SPATA13: variants seen among roughly 807,000 people sequenced by gnomAD.
The protein encoded by SPATA13 is spermatogenesis-associated protein 13.
In SPATA13, 50 loss-of-function variants were observed where a neutral mutation model predicts 104.0. The ratio of observed to expected loss-of-function variants is 0.48; its 90% CI spans 0.38 to 0.61. The LOEUF is 0.61. Among genes scored for constraint, SPATA13 ranks in the 20% least tolerant of loss-of-function variants. The pLI is 0.00. For missense variants in SPATA13, 1,524 were observed against 1,690.6 expected (o/e 0.90, Z 1.73); for synonymous variants, 606 against 667.5 (o/e 0.91, Z 1.42).
At chr13:24,120,623 T>G (rs767803081) in intron 3 of SPATA13, among the ~76,000 whole-genome samples, 1 of 152,318 alleles carries the variant, frequency 6.6e-6, no homozygotes, top group East Asian at 1.9e-4. Context: ...GACAGTAGTA[T>G]TATCCAGTTC....
chr13:24,158,856 G>A (rs974967264), upstream of SPATA13, among the ~76,000 whole-genome samples: 5 of 152,128 alleles, frequency 3.3e-5, no homozygotes, highest in Admixed American at 6.5e-5. Flanking sequence ...GCTTGTACAG[G>A]GCCTCAAGGA....
intron 2 of SPATA13, among the ~76,000 whole-genome samples, chr13:23,984,245 C>G (rs1875044379): frequency 6.6e-6 from 1 of 152,222 alleles, no homozygotes; most frequent in Non-Finnish European, 1.5e-5. Flanking sequence ...TTCAAGTCAG[C>G]TAAAGAAGAA....
chr13:24,187,700 T>C (rs541723016), intron 1 of SPATA13, among the ~76,000 whole-genome samples: 15 of 152,312 alleles, frequency 9.8e-5, no homozygotes. Context: ...GTTTTGGGCT[T>C]CATGAACTAC....
At position 24,304,052 on chromosome 13, in the gene SPATA13, T is replaced by C. The variant is rs1877403848; in HGVS notation, c.*1279T>C. 1 of 152,252 alleles carries C rather than the reference T, an allele frequency of 6.6e-6. No homozygotes were observed. The highest frequency in any genetic ancestry group is 1.5e-5 in the Non-Finnish European group (1 of 68,052). The allele number at this position is 152,252 out of a possible 1,614,324, so 9.4% of individuals were successfully genotyped here. A position where few individuals can be genotyped will look rare whatever the true frequency, so the allele number is the denominator to read the frequency against. The stretch of plus-strand genomic sequence containing the variant: ...GCCGCACTGCTCCTGACATCGTCCT[T>C]AGCAATGAAGTCACAAAGACAGCCA... On this transcript the variant is annotated 3_prime_UTR_variant, in exon 13 of 13. Transcript: ENST00000382108.
intron 2 of SPATA13, among the ~76,000 whole-genome samples, chr13:24,226,854 C>G (rs945698435): frequency 2.6e-5 from 4 of 152,348 alleles, no homozygotes; most frequent in Admixed American, 2.6e-4. Flanking sequence ...GAAAGTAGGA[C>G]TATCGCAGAG....
At position 24,305,016 on chromosome 13, in the gene SPATA13, T is replaced by C. The variant is rs1206739410; in HGVS notation, c.*2243T>C. On this transcript the variant is annotated 3_prime_UTR_variant, in exon 13 of 13. Coordinates refer to ENST00000382108, the MANE Select transcript of SPATA13 (RefSeq NM_001166271.3). ...GGGGTCTCTGCTAGAGTTGTTTGTA[T>C]GTACAGCAATTTTGAACAAATTGTT... 6.6e-6 allele frequency: 1 copy of C among 152,262 alleles called. No individual in the cohort carries two copies. Among genetic ancestry groups the C allele is most frequent in the Non-Finnish European group, 1.5e-5 (1 of 68,048 alleles). 9.4% of individuals were successfully genotyped at this position (152,262 alleles called of 1,614,324 possible).
At chr13:24,258,382 AAAG>A (rs1157325344) in intron 4 of SPATA13, among the ~76,000 whole-genome samples, 1 of 151,418 alleles carries the variant, frequency 6.6e-6, no homozygotes, top group African/African-American at 2.4e-5. Flanking sequence ...AAAAAAAAAA[AAAG>A]GCCAGGCACG....
At chr13:24,230,215 A>G (rs1190205220) in intron 2 of SPATA13, among the ~76,000 whole-genome samples, 2 of 152,216 alleles carry the variant, frequency 1.3e-5, no homozygotes, top group Non-Finnish European at 2.9e-5. Flanking sequence ...ATTGTCATGT[A>G]CCTCACCACT....
At chr13:24,198,209 G>C (rs1870189701) in intron 1 of SPATA13, among the ~76,000 whole-genome samples, 1 of 152,066 alleles carries the variant, frequency 6.6e-6, no homozygotes, top group South Asian at 2.1e-4. Flanking sequence ...TGGCCAGGCT[G>C]GTCTTGAACT....
chr13:24,246,458 G>A (rs7332336), intron 2 of SPATA13, among the ~76,000 whole-genome samples: 7,231 of 152,118 alleles, frequency 0.048, 554 homozygotes, highest in African/African-American at 0.16. Flanking sequence ...GAATTTTAAG[G>A]CCTGTGAATT....
At chr13:24,243,110 T>G (rs17463556) in intron 2 of SPATA13, among the ~76,000 whole-genome samples, 4,581 of 152,362 alleles carry the variant, frequency 0.03, 97 homozygotes, top group Non-Finnish European at 0.043. Flanking sequence ...TGATATTGTC[T>G]GATTACAGAC....
rs1211962581 is a variant in SPATA13 at position 24,304,236 on chromosome 13, T to C, written c.*1463T>C. Reference sequence around the variant, plus strand: ...TATCTTGGCTTAGAGATAGCAGTCTTTATTAACAAAGGCCACCTAGGCTGA... The same window carrying C: ...TATCTTGGCTTAGAGATAGCAGTCTCTATTAACAAAGGCCACCTAGGCTGA... On this transcript the variant is annotated 3_prime_UTR_variant, in exon 13 of 13. Transcript: ENST00000382108. The C allele has an allele frequency of 6.6e-6, 1 of 152,232 alleles. No homozygotes were observed. Among genetic ancestry groups the C allele is most frequent in the Non-Finnish European group, 1.5e-5 (1 of 68,040 alleles). 9.4% of individuals were successfully genotyped at this position (152,232 alleles called of 1,614,324 possible).
chr13:24,007,000 G>A (rs776092329), intron 2 of SPATA13, among the ~76,000 whole-genome samples: 8 of 152,164 alleles, frequency 5.3e-5, no homozygotes, highest in African/African-American at 1.7e-4. Context: ...CCTTCCTTCC[G>A]TGTGGAGCCC....
chr13:24,154,264 G>A (rs182655817), intron 3 of SPATA13, among the ~76,000 whole-genome samples: 2 of 152,210 alleles, frequency 1.3e-5, no homozygotes, highest in East Asian at 3.9e-4. Flanking sequence ...TGGCCACATA[G>A]TAACCAAAAG....
intron 3 of SPATA13, among the ~76,000 whole-genome samples, chr13:24,091,639 C>T (rs1027691403): frequency 3.3e-5 from 5 of 152,106 alleles, no homozygotes; most frequent in African/African-American, 4.8e-5. Flanking sequence ...GGTGAAACCT[C>T]GTTTCTACTA....
intron 4 of SPATA13, among the ~76,000 whole-genome samples, chr13:24,282,070 A>G (rs976775025): frequency 1.4e-4 from 22 of 151,902 alleles, no homozygotes; most frequent in African/African-American, 5.1e-4. Flanking sequence ...GGCTCTATTT[A>G]CAGAATTGGT....
intron 1 of SPATA13, among the ~76,000 whole-genome samples, chr13:24,178,053 C>T (rs559623427): frequency 6.6e-6 from 1 of 151,588 alleles, no homozygotes; most frequent in African/African-American, 2.4e-5. Context: ...GGGGTCTTAT[C>T]ATCTTGCCCA....
intron 3 of SPATA13, among the ~76,000 whole-genome samples, chr13:24,026,170 G>A (rs546150337): frequency 2.2e-4 from 33 of 152,192 alleles, no homozygotes; most frequent in South Asian, 8.3e-4. Flanking sequence ...TTTTCATGTC[G>A]TTTTATGGTA....
chr13:24,014,060 G>A (rs1404344134), intron 2 of SPATA13, among the ~76,000 whole-genome samples: 1 of 152,174 alleles, frequency 6.6e-6, no homozygotes, highest in Non-Finnish European at 1.5e-5. Context: ...ACAGTTGAGT[G>A]GCTTTGACAA....
Sources: gnomAD v4.1 joint callset for allele counts (sites outside exome capture counted in the v4.1 genomes callset) on GRCh38, gnomAD v4.1.1 for gene constraint, MANE v1.5 for transcripts, NCBI Gene and HGNC (gene_info 2026-07-23, HGNC 2026-07-21) for gene names.